Variants in CADPS2 observed in about 807,000 individuals in gnomAD.
CADPS2 encodes the protein calcium-dependent secretion activator 2.
Under a neutral mutation model 172.5 loss-of-function variants are expected in CADPS2, and 93 were observed. The observed-to-expected ratio is 0.54, with a 90% confidence interval of 0.46 to 0.64. CADPS2 has a LOEUF of 0.64. Among genes scored for constraint, CADPS2 ranks in the 30% least tolerant of loss-of-function variants. CADPS2 has a pLI of 0.00. For synonymous variants in CADPS2, 546 were observed against 555.2 expected, an observed-to-expected ratio of 0.98 and a Z score of 0.23; for missense variants, 1,420 against 1,565.9, an observed-to-expected ratio of 0.91 and a Z score of 1.57.
chr7:122,816,473 T>C (rs1370348217), intron 1 of CADPS2, among the ~76,000 whole-genome samples: 6 of 152,234 alleles, frequency 3.9e-5, no homozygotes, highest in Non-Finnish European at 8.8e-5. Context: ...ATCTTGGCTA[T>C]TGTGAATAGT....
In CADPS2 at chr7:122,386,076, C is replaced by T. The variant is rs115791001; in HGVS notation, c.3312+950G>A. Reference sequence around the variant, plus strand: ...ACTAACAGGGGAGAAACATTTCCCTCGTCATTATTTAAGGTATAAGTATTT... The same window carrying T: ...ACTAACAGGGGAGAAACATTTCCCTTGTCATTATTTAAGGTATAAGTATTT... On this transcript the variant is annotated intron_variant, in intron 24 of 29. Coordinates refer to ENST00000449022, the MANE Select transcript of CADPS2 (RefSeq NM_017954.11). 2.8e-3 allele frequency among the ~76,000 whole-genome samples: 420 copies of T among 151,998 alleles called. 4 individuals are homozygous for T. The highest frequency in any genetic ancestry group is 9.6e-3 in the African/African-American group (397 of 41,474).
At chr7:122,341,169 G>A (rs547547179) in intron 28 of CADPS2, among the ~76,000 whole-genome samples, 5 of 152,284 alleles carry the variant, frequency 3.3e-5, no homozygotes, top group African/African-American at 1.2e-4. Flanking sequence ...CAGAACCACA[G>A]TGATAGATAT....
intron 1 of CADPS2, among the ~76,000 whole-genome samples, chr7:122,819,779 T>G (rs1218314083): frequency 2.0e-5 from 3 of 152,004 alleles, no homozygotes; most frequent in African/African-American, 7.3e-5. Context: ...AAAGCCTCCT[T>G]TGCATCCTCC....
chr7:122,580,480 T>G (rs1470735610), intron 7 of CADPS2, among the ~76,000 whole-genome samples: 1 of 148,574 alleles, frequency 6.7e-6, no homozygotes, highest in Admixed American at 6.7e-5. Flanking sequence ...CATTAAAAAA[T>G]TCACATTACA....
chr7:122,553,304 C>T (rs920097288), intron 8 of CADPS2, among the ~76,000 whole-genome samples: 1 of 152,150 alleles, frequency 6.6e-6, no homozygotes, highest in African/African-American at 2.4e-5. Flanking sequence ...TACATGCCTG[C>T]TGCATAAATT....
intron 2 of CADPS2, among the ~76,000 whole-genome samples, chr7:122,704,300 A>C (rs2086639280): frequency 6.6e-6 from 1 of 151,748 alleles, no homozygotes; most frequent in African/African-American, 2.4e-5. Context: ...CCATTCATGC[A>C]ATTCTGTTGA....
chr7:122,645,498 A>T (rs5016707), intron 3 of CADPS2, among the ~76,000 whole-genome samples: 89,825 of 105,798 alleles, frequency 0.85, 37,059 homozygotes, highest in Middle Eastern at 0.94. Flanking sequence ...GTATATATAT[A>T]TAAGTATATA....
rs1406763059 is a variant in CADPS2 at position 122,438,444 on chromosome 7, G to A, written c.2373C>T (p.Ala791=). 6.2e-7 allele frequency: 1 copy of A among 1,612,776 alleles called. No individual in the cohort carries two copies. Among genetic ancestry groups the A allele is most frequent in the Admixed American group, 1.7e-5 (1 of 59,848 alleles). The change falls in exon 17 of 30, where the codon GCC becomes GCT. Residue 791 remains alanine (A), a synonymous_variant. Transcript: ENST00000449022. Reference sequence around the variant, plus strand: ...TCACCTCTTCTGCTGGTATGGGAGTGGCAATATCTTTCATTAAAACCTACA... The same window carrying A: ...TCACCTCTTCTGCTGGTATGGGAGTAGCAATATCTTTCATTAAAACCTACA... ...LLERVLMKDI[A]TPIPAEEVKK... is the part of the protein sequence containing the mutation.
At chr7:122,809,028 C>A (rs555983605) in intron 1 of CADPS2, among the ~76,000 whole-genome samples, 44 of 152,262 alleles carry the variant, frequency 2.9e-4, no homozygotes, top group Middle Eastern at 3.4e-3. Flanking sequence ...GAGTACTTGG[C>A]AAGGCTCTGT....
intron 10 of CADPS2, among the ~76,000 whole-genome samples, chr7:122,490,976 C>A (rs1480765039): frequency 6.6e-6 from 1 of 152,046 alleles, no homozygotes; most frequent in Non-Finnish European, 1.5e-5. Flanking sequence ...TATAATAATT[C>A]ATTTGCCATT....
At chr7:122,480,297 A>T (rs530985930) in intron 12 of CADPS2, among the ~76,000 whole-genome samples, 47 of 150,768 alleles carry the variant, frequency 3.1e-4, no homozygotes, top group African/African-American at 1.1e-3. Flanking sequence ...AGATTTTATA[A>T]TTTTTTTTTT....
chr7:122,764,704 G>T (rs963827933), intron 1 of CADPS2, among the ~76,000 whole-genome samples: 2 of 151,964 alleles, frequency 1.3e-5, no homozygotes, highest in African/African-American at 4.8e-5. Flanking sequence ...CTAAGTGAAA[G>T]AATAAGTCAT....
chr7:122,474,302 A>G (rs911914109), intron 13 of CADPS2, 79 bp downstream of exon 13: 2 of 1,440,076 alleles, frequency 1.4e-6, no homozygotes, highest in African/African-American at 2.9e-5. Context: ...CTCACTTTCT[A>G]AAATCTTTTA....
intron 1 of CADPS2, among the ~76,000 whole-genome samples, chr7:122,856,259 T>C (rs528552525): frequency 2.1e-4 from 32 of 152,186 alleles, no homozygotes; most frequent in Non-Finnish European, 1.9e-4. Context: ...ATAAGCCTCA[T>C]TGGAATATCC....
At chr7:122,571,021 C>G (rs1587433546) in intron 7 of CADPS2, among the ~76,000 whole-genome samples, 1 of 151,808 alleles carries the variant, frequency 6.6e-6, no homozygotes, top group East Asian at 1.9e-4. Context: ...TACCCTAAAA[C>G]TTAAAGTATA....
chr7:122,694,587 G>A (rs910841478), intron 2 of CADPS2, among the ~76,000 whole-genome samples: 5 of 152,032 alleles, frequency 3.3e-5, no homozygotes, highest in Non-Finnish European at 7.4e-5. Flanking sequence ...GAAAAGGGGA[G>A]GTAACAAATT....
intron 24 of CADPS2, among the ~76,000 whole-genome samples, chr7:122,385,808 T>C (rs2043586764): frequency 6.6e-6 from 1 of 152,038 alleles, no homozygotes; most frequent in Non-Finnish European, 1.5e-5. Context: ...ACTGGGTTCA[T>C]CTGTATGAAG....
At chr7:122,645,530 A>G (rs1371784963) in intron 3 of CADPS2, among the ~76,000 whole-genome samples, 17 of 122,114 alleles carry the variant, frequency 1.4e-4, no homozygotes, top group Non-Finnish European at 2.5e-4. Flanking sequence ...ATATATAAGT[A>G]TATATATATA....
intron 5 of CADPS2, among the ~76,000 whole-genome samples, chr7:122,620,754 C>T (rs1275997181): frequency 6.6e-6 from 1 of 151,900 alleles, no homozygotes; most frequent in African/African-American, 2.4e-5. Flanking sequence ...TTGATATGAT[C>T]CTAGAAAAAT....
Sources: allele counts gnomAD v4.1 joint callset (sites outside exome capture counted in the v4.1 genomes callset), GRCh38; gene constraint gnomAD v4.1.1; transcripts MANE v1.5; gene names NCBI Gene and HGNC (gene_info 2026-07-23, HGNC 2026-07-21).